TTC3: variants seen among roughly 807,000 people sequenced by gnomAD.
TTC3 encodes tetratricopeptide repeat domain 3, also known as E3 ubiquitin-protein ligase TTC3.
Under a neutral mutation model 249.6 loss-of-function variants are expected in TTC3, and 180 were observed. That is an observed-to-expected ratio of 0.72 (90% CI 0.64 to 0.82). The LOEUF (loss-of-function observed/expected upper bound fraction) is 0.82. Among genes scored for constraint, TTC3 ranks in the 40% least tolerant of loss-of-function variants. TTC3 has a pLI of 0.00. For missense variants in TTC3, 2,061 were observed against 2,398.4 expected (o/e 0.86, Z 2.94); for synonymous variants, 717 against 805.0 (o/e 0.89, Z 1.85).
At chr21:37,164,007 T>C in intron 31 of TTC3, 44 bp from the exon 32 acceptor site, 1 of 1,576,606 alleles carries the variant, frequency 6.3e-7, no homozygotes, top group East Asian at 2.3e-5. Context: ...AAACCAAAGG[T>C]CTATCATCCA....
chr21:37,193,746 T>C (rs1304217895), intron 41 of TTC3: 4 of 152,236 alleles, frequency 2.6e-5, no homozygotes, highest in African/African-American at 9.6e-5. Context: ...AAGACTGATG[T>C]GGGCTGTGCC....
At chr21:37,097,766 G>A in intron 10 of TTC3, 1 of 514,288 alleles carries the variant, frequency 1.9e-6, no homozygotes, top group Non-Finnish European at 3.5e-6. Context: ...CTTTTTTTGT[G>A]AAGTTTTCTC....
At chr21:37,117,178 G>T (rs4399800) in intron 11 of TTC3, among the ~76,000 whole-genome samples, 68,987 of 152,028 alleles carry the variant, frequency 0.45, 16,205 homozygotes, top group Non-Finnish European at 0.52. Context: ...CCCCCAAATT[G>T]TGATTCAGGT....
rs754001259 is a variant in TTC3 at position 37,197,991 on chromosome 21, AG to A, written c.5820del (p.Gln1941ArgfsTer8). Reference sequence around the variant, plus strand: ...GTTGTTGCACCATCACCCAAAACCAAGGGGCAGAAAGCAGAAGATGTCCCTG... The same window carrying A: ...GTTGTTGCACCATCACCCAAAACCAAGGGCAGAAAGCAGAAGATGTCCCTG... On this transcript the variant is annotated frameshift_variant, in exon 44 of 46. Coordinates refer to ENST00000355666, the Ensembl canonical transcript of TTC3. LOFTEE classifies it high-confidence loss of function. 8 of 1,613,584 alleles carry A rather than the reference AG, an allele frequency of 5.0e-6. No homozygotes were observed. In the Admixed American group the frequency reaches 1.0e-4, roughly 20 times the overall value.
intron 18 of TTC3, among the ~76,000 whole-genome samples, chr21:37,137,390 A>G (rs2078048328): frequency 6.6e-6 from 1 of 152,210 alleles, no homozygotes; most frequent in Non-Finnish European, 1.5e-5. Context: ...CAACATTTAC[A>G]GGAGTTTGGA....
chr21:37,118,445 G>C (rs2076331659), intron 11 of TTC3, among the ~76,000 whole-genome samples: 1 of 152,182 alleles, frequency 6.6e-6, no homozygotes, highest in South Asian at 2.1e-4. Flanking sequence ...AGCCTCAACA[G>C]ATATGTTTGT....
At chr21:37,124,481 C>T in intron 13 of TTC3, 138 bp from the exon 14 acceptor site, 2 of 816,592 alleles carry the variant, frequency 2.4e-6, no homozygotes, top group Non-Finnish European at 3.8e-6. Context: ...TGTATAAAGC[C>T]CCATCTCACA....
intron 27 of TTC3, 100 bp downstream of exon 27, chr21:37,153,377 A>C: frequency 8.8e-7 from 1 of 1,137,612 alleles, no homozygotes; most frequent in East Asian, 2.6e-5. Context: ...TTATAACTTT[A>C]AATGCAGGAC....
chr21:37,181,074 A>C (rs2082717661), intron 35 of TTC3, among the ~76,000 whole-genome samples: 1 of 152,212 alleles, frequency 6.6e-6, no homozygotes, highest in South Asian at 2.1e-4. Flanking sequence ...TCTGTCTTCC[A>C]TGCAGTCAGA....
chr21:37,112,345 A>G (rs936384395), intron 11 of TTC3, among the ~76,000 whole-genome samples: 12 of 152,340 alleles, frequency 7.9e-5, no homozygotes, highest in African/African-American at 1.7e-4. Context: ...ACAATAAAAC[A>G]TGACAAAGGG....
chr21:37,117,859 A>G (rs868576133), intron 11 of TTC3, among the ~76,000 whole-genome samples: 5,206 of 150,898 alleles, frequency 0.035, 298 homozygotes, highest in African/African-American at 0.12. Context: ...AAAAAGAAAA[A>G]AGAAAAAAAC....
chr21:37,132,231 CA>C (rs1910415971), intron 16 of TTC3, among the ~76,000 whole-genome samples: 3 of 152,098 alleles, frequency 2.0e-5, no homozygotes. Flanking sequence ...TATGGCTCAC[CA>C]TTTACTCACT....
At chr21:37,121,632 A>G (rs1568975705) in intron 11 of TTC3, among the ~76,000 whole-genome samples, 185 bp from the exon 12 acceptor site, 1 of 152,168 alleles carries the variant, frequency 6.6e-6, no homozygotes, top group Non-Finnish European at 1.5e-5. Context: ...ATAACTTTTC[A>G]CTTAGCTCAT....
intron 34 of TTC3, among the ~76,000 whole-genome samples, chr21:37,167,894 A>T (rs1317773036): frequency 3.3e-5 from 5 of 151,504 alleles, no homozygotes; most frequent in East Asian, 1.9e-4. Flanking sequence ...TTTTTATTTT[A>T]ATTATTTTTG....
At chr21:37,157,864 A>T (rs2080262984) in intron 28 of TTC3, among the ~76,000 whole-genome samples, 2 of 152,202 alleles carry the variant, frequency 1.3e-5, no homozygotes. Flanking sequence ...ATTCTAAATG[A>T]TAATTTCTTA....
At chr21:37,169,438 G>A (rs549819847) in intron 34 of TTC3, among the ~76,000 whole-genome samples, 2 of 152,170 alleles carry the variant, frequency 1.3e-5, no homozygotes, top group East Asian at 3.9e-4. Flanking sequence ...CAGCTACTTG[G>A]GAGGCTGAGG....
exon 10 of TTC3, chr21:37,096,618 T>C (rs1196976281): frequency 3.7e-6 from 6 of 1,612,646 alleles, no homozygotes; most frequent in Non-Finnish European, 4.2e-6. Context: ...CCGAGCTCTT[T>C]GTTTTCTTCG....
chr21:37,161,435 C>T (rs913893198), intron 30 of TTC3, among the ~76,000 whole-genome samples: 7 of 152,164 alleles, frequency 4.6e-5, no homozygotes, highest in African/African-American at 1.7e-4. Context: ...GCCACCATGC[C>T]CAGCTAATTT....
Position 37,156,625 on chromosome 21 carries a change from C to T in TTC3, c.2741-30C>T, listed in dbSNP as rs774317327. The T allele has an allele frequency of 4.4e-6, 7 of 1,581,574 alleles. No individual in the cohort carries two copies. The African/African-American group carries it at 8.2e-5, about 19-fold the overall frequency. On this transcript the variant is annotated intron_variant, in intron 27 of 45. Coordinates refer to ENST00000355666, the Ensembl canonical transcript of TTC3. ...TTTTACAGTAAATAATTTCCCTCCT[C>T]TTCTGATTTGGGTTTTGTTTTTATT...
Sources: allele counts gnomAD v4.1 joint callset (sites outside exome capture counted in the v4.1 genomes callset), GRCh38; gene constraint gnomAD v4.1.1; transcripts MANE v1.5; gene names NCBI Gene and HGNC (gene_info 2026-07-23, HGNC 2026-07-21).